ZC3H12C: variants seen among roughly 807,000 people sequenced by gnomAD.
ZC3H12C encodes probable ribonuclease ZC3H12C.
ZC3H12C carries 20 observed loss-of-function variants against 76.3 expected under a neutral mutation model. That is an observed-to-expected ratio of 0.26 (90% CI 0.18 to 0.38). The LOEUF (loss-of-function observed/expected upper bound fraction) is 0.38, where lower values mean the gene tolerates loss of function less well. Ranked by LOEUF, ZC3H12C falls within the 10% of genes least tolerant of loss-of-function variation. The pLI is 1.00. For synonymous variants in ZC3H12C, 352 were observed against 399.6 expected (o/e 0.88, Z 1.42); for missense variants, 874 against 1,086.5 (o/e 0.80, Z 2.75).
At position 110,098,415 on chromosome 11, in the gene ZC3H12C, G is replaced by A. The variant is rs2134141063; in HGVS notation, c.21+4983G>A. Among the ~76,000 whole-genome samples, 2 of 152,262 alleles carry A rather than the reference G, an allele frequency of 1.3e-5. 1 individual carries two copies. The highest frequency in any genetic ancestry group is 4.1e-4 in the South Asian group (2 of 4,826). On this transcript the variant is annotated intron_variant, in intron 1 of 5. Transcript: ENST00000278590. Reference sequence around the variant, plus strand: ...ATAAAGTAAAAAAGTTACAGTAAGAGTAATTTATTGAAGAAAGAAAAATTT... The same window carrying A: ...ATAAAGTAAAAAAGTTACAGTAAGAATAATTTATTGAAGAAAGAAAAATTT...
At chr11:110,105,182 C>G (rs1270865266) in intron 1 of ZC3H12C, among the ~76,000 whole-genome samples, 3 of 151,912 alleles carry the variant, frequency 2.0e-5, no homozygotes. Flanking sequence ...AACAGTTTTC[C>G]CATATAGTTG....
chr11:110,161,133 C>T (rs1862472708), intron 4 of ZC3H12C, among the ~76,000 whole-genome samples: 1 of 152,202 alleles, frequency 6.6e-6, no homozygotes, highest in South Asian at 2.1e-4. Flanking sequence ...CATGAGCCAT[C>T]ACGCACAGCC....
At chr11:110,145,609 G>A (rs998701385) in intron 2 of ZC3H12C, among the ~76,000 whole-genome samples, 5 of 149,344 alleles carry the variant, frequency 3.3e-5, no homozygotes, top group Admixed American at 2.0e-4. Context: ...GGGGGCGGGG[G>A]GGAGTTGCAG....
intron 1 of ZC3H12C, among the ~76,000 whole-genome samples, chr11:110,104,387 G>GTTA (rs1217836813): frequency 6.6e-6 from 1 of 152,178 alleles, no homozygotes; most frequent in African/African-American, 2.4e-5. Flanking sequence ...ATGGATTCAT[G>GTTA]TTAGTGATTT....
intron 4 of ZC3H12C, among the ~76,000 whole-genome samples, chr11:110,160,218 A>G (rs1862455063): frequency 6.6e-6 from 1 of 152,242 alleles, no homozygotes; most frequent in Admixed American, 6.5e-5. Flanking sequence ...GTCCTGAGTG[A>G]GTCAGTGAAT....
chr11:110,146,707 G>A (rs528713281), intron 2 of ZC3H12C, among the ~76,000 whole-genome samples: 1 of 152,308 alleles, frequency 6.6e-6, no homozygotes, highest in South Asian at 2.1e-4. Context: ...AACTGGGAAG[G>A]TAACACTGCA....
intron 1 of ZC3H12C, among the ~76,000 whole-genome samples, chr11:110,121,147 C>T (rs1044155074): frequency 1.3e-5 from 2 of 152,126 alleles, no homozygotes; most frequent in Admixed American, 6.5e-5. Context: ...CAATGTATAT[C>T]TAAAATTGAG....
At position 110,167,688 on chromosome 11, in the gene ZC3H12C, A is replaced by G. The variant is rs1261497156; in HGVS notation, c.*1951A>G. 6.6e-6 allele frequency: 1 copy of G among 152,184 alleles called. No homozygotes were observed. Among genetic ancestry groups the G allele is most frequent in the Non-Finnish European group, 1.5e-5 (1 of 68,018 alleles). The allele number at this position is 152,184 out of a possible 1,614,324, so 9.4% of individuals were successfully genotyped here. On this transcript the variant is annotated 3_prime_UTR_variant, in exon 6 of 6. Transcript: ENST00000278590. ...CTTCTAAAAGGCATTGTGCATATTG[A>G]CATAACCAATAATCTGAACCGTGTT... is the stretch of plus-strand genomic sequence containing the variant.
intron 3 of ZC3H12C, among the ~76,000 whole-genome samples, chr11:110,158,425 A>T (rs1862416106): frequency 6.6e-6 from 1 of 151,782 alleles, no homozygotes; most frequent in African/African-American, 2.4e-5. Context: ...CACAAGAATC[A>T]CTTGAACCGG....
chr11:110,112,998 CCT>C (rs1491216631), intron 1 of ZC3H12C, among the ~76,000 whole-genome samples: 28 of 77,952 alleles, frequency 3.6e-4, no homozygotes, highest in East Asian at 2.8e-3. Flanking sequence ...ATCGCCCCCC[CCT>C]ACCAAAAAAA....
intron 3 of ZC3H12C, among the ~76,000 whole-genome samples, chr11:110,158,235 C>T (rs776135511): frequency 6.4e-4 from 97 of 152,140 alleles, no homozygotes; most frequent in Admixed American, 7.2e-4. Flanking sequence ...ACCAGCCGGG[C>T]ACGGTGGCTC....
intron 3 of ZC3H12C, among the ~76,000 whole-genome samples, chr11:110,156,273 G>T (rs1000180235): frequency 6.6e-6 from 1 of 152,138 alleles, no homozygotes; most frequent in Admixed American, 6.5e-5. Context: ...CAACAAAAAA[G>T]ACCCTTGATA....
chr11:110,150,264 A>G (rs1243113777), intron 2 of ZC3H12C, among the ~76,000 whole-genome samples: 2 of 152,156 alleles, frequency 1.3e-5, no homozygotes, highest in African/African-American at 2.4e-5. Flanking sequence ...ATCATTTGCC[A>G]TCTTTATTAA....
In ZC3H12C at chr11:110,164,478, G is replaced by A; in HGVS notation, c.1393G>A (p.Val465Met). The A allele has an allele frequency of 6.2e-7, 1 of 1,614,014 alleles. No individual in the cohort carries two copies. The highest frequency in any genetic ancestry group is 2.2e-5 in the East Asian group (1 of 44,882). ...AAKTANEGGL[V>M]KSNSVPCSTK... ...CAAAACTGCAAACGAAGGAGGACTG[G>A]TGAAAAGCAACAGTGTTCCTTGTAG... The change falls in exon 6 of 6, where the codon GTG becomes ATG. Residue 465 changes from valine (V) to methionine (M), a missense_variant. By Grantham distance (21) the Val-to-Met change is conservative (BLOSUM62 1). Around this residue, in one of 3 missense-constraint regions of ZC3H12C, gnomAD observed 269 missense variants for 424.9 expected, o/e 0.63. Transcript: ENST00000278590. The surrounding 1 kb of genome is among the most constrained non-coding windows in gnomAD (Gnocchi z 5.7).
At chr11:110,135,534 G>A (rs981084821) in intron 1 of ZC3H12C, among the ~76,000 whole-genome samples, 1 of 146,930 alleles carries the variant, frequency 6.8e-6, no homozygotes. Flanking sequence ...TGTGGATATA[G>A]TTCTTACAAT....
At chr11:110,127,630 C>T (rs1489456365) in intron 1 of ZC3H12C, among the ~76,000 whole-genome samples, 1 of 151,604 alleles carries the variant, frequency 6.6e-6, no homozygotes, top group Non-Finnish European at 1.5e-5. Context: ...TGTGGTGGCT[C>T]ATGCCTGTAA....
At chr11:110,103,082 C>G (rs1479772805) in intron 1 of ZC3H12C, among the ~76,000 whole-genome samples, 1 of 152,176 alleles carries the variant, frequency 6.6e-6, no homozygotes, top group African/African-American at 2.4e-5. Flanking sequence ...TTACAGCAGT[C>G]TGGAACCAAA....
At chr11:110,147,246 G>A (rs1417089508) in intron 2 of ZC3H12C, among the ~76,000 whole-genome samples, 2 of 152,128 alleles carry the variant, frequency 1.3e-5, no homozygotes, top group African/African-American at 4.8e-5. Flanking sequence ...TTTAAGATGG[G>A]TACCATCAGC....
At chr11:110,107,232 A>C (rs1168056869) in intron 1 of ZC3H12C, among the ~76,000 whole-genome samples, 1 of 152,244 alleles carries the variant, frequency 6.6e-6, no homozygotes, top group Non-Finnish European at 1.5e-5. Context: ...AGGAAGGCTG[A>C]AATTTTAATG....
Sources: allele counts gnomAD v4.1 joint callset (sites outside exome capture counted in the v4.1 genomes callset), GRCh38; gene constraint gnomAD v4.1.1; regional missense constraint gnomAD v4.1.1; non-coding constraint Gnocchi (gnomAD v3.1); transcripts MANE v1.5; gene names NCBI Gene and HGNC (gene_info 2026-07-23, HGNC 2026-07-21).